The following RALGAPA2 variants were observed in gnomAD, a reference collection of about 807,000 sequenced individuals.
The protein encoded by RALGAPA2 is ral GTPase-activating protein subunit alpha-2.
RALGAPA2 carries 139 observed loss-of-function variants against 230.4 expected under a neutral mutation model. The ratio of observed to expected loss-of-function variants is 0.60; its 90% CI spans 0.53 to 0.69. The LOEUF (loss-of-function observed/expected upper bound fraction) is 0.69. Ranked by LOEUF, RALGAPA2 falls within the 30% of genes least tolerant of loss-of-function variation. RALGAPA2 has a pLI of 0.00. For missense variants in RALGAPA2, 2,163 were observed against 2,276.0 expected (o/e 0.95, Z 1.01); for synonymous variants, 847 against 837.8 (o/e 1.01, Z -0.19).
chr20:20,508,917 C>A (rs2062616409), intron 33 of RALGAPA2, among the ~76,000 whole-genome samples: 1 of 152,222 alleles, frequency 6.6e-6, no homozygotes, highest in Admixed American at 6.5e-5. Flanking sequence ...CTCAGCTATT[C>A]AAAGCCATAT....
intron 36 of RALGAPA2, among the ~76,000 whole-genome samples, chr20:20,484,558 T>C (rs574510478): frequency 6.6e-6 from 1 of 152,294 alleles, no homozygotes; most frequent in South Asian, 2.1e-4. Context: ...GAAAGTCCTC[T>C]TAGGGAACAA....
chr20:20,510,539 TAG>T (rs1250833747), intron 33 of RALGAPA2, among the ~76,000 whole-genome samples: 1 of 151,964 alleles, frequency 6.6e-6, no homozygotes, highest in African/African-American at 2.4e-5. Context: ...TTTTTTTTTT[TAG>T]AGTTTTTTAA....
At chr20:20,491,208 T>C (rs956004292) in intron 36 of RALGAPA2, among the ~76,000 whole-genome samples, 1 of 152,170 alleles carries the variant, frequency 6.6e-6, no homozygotes, top group Non-Finnish European at 1.5e-5. Flanking sequence ...CTTCCCCTCC[T>C]ACGCTTTTCA....
intron 36 of RALGAPA2, among the ~76,000 whole-genome samples, chr20:20,480,243 AAAG>A (rs1556125378): frequency 6.6e-6 from 1 of 152,238 alleles, no homozygotes; most frequent in Non-Finnish European, 1.5e-5. Flanking sequence ...AAAAAAAGCC[AAAG>A]AAGAACTGGG....
At chr20:20,597,921 C>A (rs565450110) in intron 16 of RALGAPA2, among the ~76,000 whole-genome samples, 9 of 152,236 alleles carry the variant, frequency 5.9e-5, no homozygotes, top group African/African-American at 2.2e-4. Flanking sequence ...TGAAAATGAT[C>A]TTTCTCTTTT....
chr20:20,603,840 A>C (rs1303379514), intron 15 of RALGAPA2, among the ~76,000 whole-genome samples: 5 of 152,210 alleles, frequency 3.3e-5, no homozygotes, highest in Non-Finnish European at 7.3e-5. Context: ...CACATGGCAA[A>C]AGCACACTGA....
intron 10 of RALGAPA2, among the ~76,000 whole-genome samples, chr20:20,624,282 G>A (rs113411902): frequency 8.6e-5 from 12 of 138,746 alleles, no homozygotes; most frequent in African/African-American, 3.3e-4. Context: ...AGCCAAGATC[G>A]CACCACTGCA....
chr20:20,672,688 C>T (rs1319764077), intron 3 of RALGAPA2, among the ~76,000 whole-genome samples: 3 of 152,080 alleles, frequency 2.0e-5, no homozygotes, highest in Non-Finnish European at 4.4e-5. Context: ...GATAGATCAA[C>T]AAGTTTAAGT....
chr20:20,539,242 C>G (rs530406873), intron 24 of RALGAPA2, among the ~76,000 whole-genome samples: 5 of 152,270 alleles, frequency 3.3e-5, no homozygotes, highest in African/African-American at 1.2e-4. Context: ...AGCAGGGGTA[C>G]TTCAAACTGG....
intron 37 of RALGAPA2, among the ~76,000 whole-genome samples, chr20:20,465,493 C>G (rs745731521): frequency 6.6e-6 from 1 of 152,028 alleles, no homozygotes; most frequent in East Asian, 1.9e-4. Flanking sequence ...GATGCAGTGA[C>G]CCACTGGGGA....
intron 24 of RALGAPA2, among the ~76,000 whole-genome samples, chr20:20,540,548 G>A (rs1602708686): frequency 6.6e-6 from 1 of 152,166 alleles, no homozygotes. Flanking sequence ...AGCTGGTTTT[G>A]TATTTCATCC....
At chr20:20,424,012 ATTACAGACT>A (rs139937779) in intron 37 of RALGAPA2, among the ~76,000 whole-genome samples, 1,571 of 152,348 alleles carry the variant, frequency 0.01, 34 homozygotes, top group African/African-American at 0.036. Context: ...AGGCTATTAA[ATTACAGACT>A]TTTGGAGATG....
At chr20:20,421,524 G>C (rs1429490993) in intron 37 of RALGAPA2, among the ~76,000 whole-genome samples, 1 of 152,154 alleles carries the variant, frequency 6.6e-6, no homozygotes, top group Non-Finnish European at 1.5e-5. Flanking sequence ...TACAAAATTA[G>C]CTGGGTGTGA....
At chr20:20,612,931 A>G (rs1486980908) in intron 13 of RALGAPA2, among the ~76,000 whole-genome samples, 1 of 152,212 alleles carries the variant, frequency 6.6e-6, no homozygotes, top group Non-Finnish European at 1.5e-5. Flanking sequence ...CATCATGAGA[A>G]TGTGATGAGA....
intron 12 of RALGAPA2, among the ~76,000 whole-genome samples, chr20:20,616,445 T>C (rs570288203): frequency 6.6e-6 from 1 of 152,292 alleles, no homozygotes; most frequent in South Asian, 2.1e-4. Context: ...CTATTACATA[T>C]TAATTGCAAC....
At chr20:20,493,542 T>G (rs1453256201) in intron 36 of RALGAPA2, among the ~76,000 whole-genome samples, 1 of 152,240 alleles carries the variant, frequency 6.6e-6, no homozygotes, top group Non-Finnish European at 1.5e-5. Flanking sequence ...ATAAAGTGAA[T>G]TAAAATGGCT....
chr20:20,625,139 C>T (rs528982311), intron 10 of RALGAPA2, among the ~76,000 whole-genome samples: 1 of 152,244 alleles, frequency 6.6e-6, no homozygotes, highest in African/African-American at 2.4e-5. Flanking sequence ...CTGCACCCAC[C>T]TGTTTGTTCT....
intron 16 of RALGAPA2, among the ~76,000 whole-genome samples, chr20:20,592,707 A>G (rs892541835): frequency 6.6e-6 from 1 of 152,200 alleles, no homozygotes; most frequent in African/African-American, 2.4e-5. Flanking sequence ...CTCACTGTCA[A>G]TGGGCCACCC....
intron 37 of RALGAPA2, among the ~76,000 whole-genome samples, chr20:20,469,560 T>C (rs779076755): frequency 7.9e-5 from 12 of 152,206 alleles, no homozygotes; most frequent in Admixed American, 5.9e-4. Flanking sequence ...TGAATGCCAT[T>C]GAGACTATTG....
Sources: gnomAD v4.1 joint callset for allele counts (sites outside exome capture counted in the v4.1 genomes callset) on GRCh38, gnomAD v4.1.1 for gene constraint, MANE v1.5 for transcripts, NCBI Gene and HGNC (gene_info 2026-07-23, HGNC 2026-07-21) for gene names.